The following KIAA1217 variants were observed in gnomAD, a reference collection of about 807,000 sequenced individuals.
The protein encoded by KIAA1217 is KIAA1217.
KIAA1217 carries 88 observed loss-of-function variants against 163.9 expected under a neutral mutation model. The ratio of observed to expected loss-of-function variants is 0.54; its 90% confidence interval spans 0.45 to 0.64. The LOEUF (loss-of-function observed/expected upper bound fraction) is 0.64. Among genes scored for constraint, KIAA1217 ranks in the 30% least tolerant of loss-of-function variants. KIAA1217 has a pLI of 0.00. For missense variants in KIAA1217, 2,372 were observed against 2,475.0 expected (o/e 0.96, Z 0.88); for synonymous variants, 903 against 923.1 (o/e 0.98, Z 0.39).
intron 2 of KIAA1217, among the ~76,000 whole-genome samples, chr10:24,246,742 G>T (rs576645508): frequency 1.5e-4 from 23 of 152,106 alleles, no homozygotes; most frequent in Non-Finnish European, 2.6e-4. Flanking sequence ...CTTATGCTGG[G>T]TTTGCTGGGT....
chr10:23,933,536 T>G (rs1330665433), intron 1 of KIAA1217, among the ~76,000 whole-genome samples: 2 of 152,102 alleles, frequency 1.3e-5, no homozygotes, highest in Non-Finnish European at 2.9e-5. Context: ...AAGCCAAAAT[T>G]CACAAATGGG....
chr10:23,738,203 T>G (rs1838918287), intron 1 of KIAA1217, among the ~76,000 whole-genome samples: 1 of 152,212 alleles, frequency 6.6e-6, no homozygotes, highest in Non-Finnish European at 1.5e-5. Context: ...AAAATTTTTA[T>G]GAGGCTATAT....
intron 5 of KIAA1217, among the ~76,000 whole-genome samples, chr10:24,441,870 A>G (rs965023804): frequency 6.6e-6 from 1 of 152,278 alleles, no homozygotes; most frequent in East Asian, 1.9e-4. Flanking sequence ...ACTCTCAAAA[A>G]GTACACGTTT....
intron 2 of KIAA1217, among the ~76,000 whole-genome samples, chr10:24,304,129 ATTTT>A (rs5783885): frequency 7.3e-6 from 1 of 136,922 alleles, no homozygotes. Context: ...AATCCTCCAC[ATTTT>A]TTTTTTTTTT....
intron 2 of KIAA1217, among the ~76,000 whole-genome samples, chr10:24,167,068 A>G (rs12764412): frequency 0.31 from 47,613 of 151,960 alleles, 8,858 homozygotes; most frequent in Non-Finnish European, 0.41. Context: ...AAAGGAAAAT[A>G]TATTTCCTGA....
At chr10:24,008,332 T>C (rs987822970) in intron 2 of KIAA1217, among the ~76,000 whole-genome samples, 3 of 152,100 alleles carry the variant, frequency 2.0e-5, no homozygotes, top group Non-Finnish European at 2.9e-5. Flanking sequence ...CAGAGAATCA[T>C]TGTCAGGAAG....
intron 1 of KIAA1217, among the ~76,000 whole-genome samples, chr10:23,854,441 G>T (rs1351427615): frequency 6.6e-6 from 1 of 152,056 alleles, no homozygotes; most frequent in East Asian, 1.9e-4. Flanking sequence ...CAACTATGTG[G>T]TCAATTTTGG....
intron 2 of KIAA1217, among the ~76,000 whole-genome samples, chr10:24,151,494 G>A (rs1029648572): frequency 4.7e-5 from 7 of 147,468 alleles, no homozygotes; most frequent in African/African-American, 1.8e-4. Context: ...TATGACAGGC[G>A]CTGGAGGAAG....
chr10:24,067,716 G>A (rs2061015088), intron 2 of KIAA1217, among the ~76,000 whole-genome samples: 1 of 152,228 alleles, frequency 6.6e-6, no homozygotes, highest in Non-Finnish European at 1.5e-5. Context: ...GCTGTCTTTT[G>A]TTTGTCTGTG....
intron 2 of KIAA1217, among the ~76,000 whole-genome samples, chr10:24,277,306 C>T (rs2077408645): frequency 6.6e-6 from 1 of 152,170 alleles, no homozygotes; most frequent in Admixed American, 6.5e-5. Context: ...CTGAGGTTGA[C>T]CCTGGTGTGG....
At chr10:24,360,478 C>G (rs1479251204) in intron 2 of KIAA1217, among the ~76,000 whole-genome samples, 1 of 152,186 alleles carries the variant, frequency 6.6e-6, no homozygotes, top group Non-Finnish European at 1.5e-5. Context: ...AAGCCTCTCC[C>G]TTCTATCGTG....
intron 2 of KIAA1217, among the ~76,000 whole-genome samples, chr10:24,202,683 C>G (rs2067328079): frequency 6.6e-6 from 1 of 152,188 alleles, no homozygotes; most frequent in Admixed American, 6.5e-5. Flanking sequence ...TGGCCTCATC[C>G]TCCTGGAAGC....
Position 24,531,940 on chromosome 10 carries a change from A to G in KIAA1217, c.3193A>G (p.Thr1065Ala), listed in dbSNP as rs760343680. 15 of 1,609,644 alleles carry G rather than the reference A, an allele frequency of 9.3e-6. No homozygotes were observed. Among genetic ancestry groups the G allele is most frequent in the African/African-American group, 1.3e-5 (1 of 74,854 alleles). The change falls in exon 15 of 21, where the codon ACG (threonine) becomes GCG (alanine). Residue 1065 changes from threonine to alanine, a missense_variant. Transcript: ENST00000376454. ...CCTGCCAGGATCGGGACTCACCACC[A>G]CGAGGTCAGGCGATGTGGTCTACAC... is the stretch of plus-strand genomic sequence containing the variant. ...SYLPGSGLTT[T>A]RSGDVVYTGR...
At chr10:24,217,679 C>T (rs4747482) in intron 1 of KIAA1217, among the ~76,000 whole-genome samples, 83,758 of 151,824 alleles carry the variant, frequency 0.55, 23,127 homozygotes, top group East Asian at 0.63. Context: ...TATGCCTAGA[C>T]TCTTAACACC....
At chr10:24,144,039 C>T (rs1422515947) in intron 2 of KIAA1217, among the ~76,000 whole-genome samples, 1 of 152,046 alleles carries the variant, frequency 6.6e-6, no homozygotes, top group Non-Finnish European at 1.5e-5. Context: ...TTAGACTGGA[C>T]TTAAATCTAC....
intron 1 of KIAA1217, among the ~76,000 whole-genome samples, chr10:23,770,404 G>A (rs549044963): frequency 9.2e-5 from 14 of 152,144 alleles, no homozygotes; most frequent in African/African-American, 3.4e-4. Context: ...GTCTATGATT[G>A]CTTAAAATAT....
chr10:24,357,678 G>A (rs1273718397), intron 2 of KIAA1217, among the ~76,000 whole-genome samples: 2 of 152,130 alleles, frequency 1.3e-5, no homozygotes, highest in Non-Finnish European at 2.9e-5. Context: ...CTTAAGTTTC[G>A]TGTTCCAAGG....
intron 1 of KIAA1217, among the ~76,000 whole-genome samples, chr10:23,942,077 A>G (rs1843798080): frequency 6.6e-6 from 1 of 152,212 alleles, no homozygotes; most frequent in Non-Finnish European, 1.5e-5. Context: ...TATGAATAAT[A>G]TGCAACTCAA....
rs1835864227 is a variant in KIAA1217, at chr10:23,790,574, CATATGTAT to C, written c.-321+95343_-321+95350del. 9.4e-5 allele frequency among the ~76,000 whole-genome samples: 11 copies of C among 117,362 alleles called. 4 individuals carry two copies. The highest frequency in any genetic ancestry group is 4.4e-4 in the African/African-American group (11 of 25,178). The allele number at this position is 117,362 out of a possible 152,430, so 77.0% of individuals were successfully genotyped here. A position where few individuals can be genotyped will look rare whatever the true frequency, so the allele number is the denominator to read the frequency against. The stretch of plus-strand genomic sequence containing the variant: ...ATACATATGTACATATGTATATATA[CATATGTAT>C]ATGTACATATATACATGTACATATA... On this transcript the variant is annotated intron_variant, in intron 1 of 18. Transcript: ENST00000376462.
Sources: allele counts gnomAD v4.1 joint callset (sites outside exome capture counted in the v4.1 genomes callset), GRCh38; gene constraint gnomAD v4.1.1; transcripts MANE v1.5; gene names NCBI Gene and HGNC (gene_info 2026-07-23, HGNC 2026-07-21).